The following ATXN1 variants were observed in gnomAD, a reference collection of about 807,000 sequenced individuals.
ATXN1 encodes ataxin-1.
Under a neutral mutation model 56.4 loss-of-function variants are expected in ATXN1, and 8 were observed. That is an observed-to-expected ratio of 0.14 (90% confidence interval 0.08 to 0.26). ATXN1 has a LOEUF of 0.26. Among genes scored for constraint, ATXN1 ranks in the 10% least tolerant of loss-of-function variants. The pLI is 1.00. For missense variants in ATXN1, 987 were observed against 1,106.5 expected, an observed-to-expected ratio of 0.89 and a Z score of 1.53; for synonymous variants, 514 against 494.6, an observed-to-expected ratio of 1.04 and a Z score of -0.52.
At chr6:16,594,431 T>C (rs946886287) in intron 3 of ATXN1, among the ~76,000 whole-genome samples, 4 of 152,038 alleles carry the variant, frequency 2.6e-5, no homozygotes, top group African/African-American at 9.7e-5. Flanking sequence ...AGAGATCTAT[T>C]TGTGCTGAAG....
chr6:16,546,818 C>T (rs900128466), intron 4 of ATXN1, among the ~76,000 whole-genome samples: 3 of 152,170 alleles, frequency 2.0e-5, no homozygotes, highest in Admixed American at 6.5e-5. Flanking sequence ...GGGAGGCATA[C>T]ATAGTTATTA....
chr6:16,696,403 A>G (rs1225598614), intron 2 of ATXN1, among the ~76,000 whole-genome samples: 1 of 152,226 alleles, frequency 6.6e-6, no homozygotes. Context: ...TAAGTCTCCA[A>G]GAAAAAAAGT....
rs755173014 is a variant in ATXN1, at chr6:16,328,215, G to T, written c.96C>A (p.Thr32=). Reference sequence around the variant, plus strand: ...CCACCCGGTGGTTGTCGCTGGGCAGGGTAGGGGCCTTCTCCTCGGAGGACC... The same window carrying T: ...CCACCCGGTGGTTGTCGCTGGGCAGTGTAGGGGCCTTCTCCTCGGAGGACC... ...TSRSSEEKAP[T]LPSDNHRVEG... Residue 32 remains threonine (T), a synonymous_variant, in exon 7 of 8, where the codon ACC becomes ACA. Transcript: ENST00000436367. The surrounding 1 kb of genome is among the most constrained non-coding windows in gnomAD (Gnocchi z 6.2). 1.9e-6 allele frequency: 3 copies of T among 1,591,960 alleles called. No individual in the cohort carries two copies. The highest frequency in any genetic ancestry group is 3.5e-5 in the Admixed American group (2 of 57,410).
chr6:16,307,987 C>G (rs1399939571), intron 7 of ATXN1, among the ~76,000 whole-genome samples: 1 of 152,162 alleles, frequency 6.6e-6, no homozygotes, highest in African/African-American at 2.4e-5. Context: ...AACCCCATCT[C>G]TACTAAAAAT....
intron 7 of ATXN1, among the ~76,000 whole-genome samples, chr6:16,320,664 AC>A (rs1207597704): frequency 6.6e-6 from 1 of 152,246 alleles, no homozygotes; most frequent in Non-Finnish European, 1.5e-5. Context: ...CACGTCACTA[AC>A]AGCCTCTTGC....
chr6:16,640,213 T>C (rs1276527784), intron 3 of ATXN1, among the ~76,000 whole-genome samples: 1 of 152,186 alleles, frequency 6.6e-6, no homozygotes, highest in Non-Finnish European at 1.5e-5. Flanking sequence ...TCTGTTATGG[T>C]GATCTGAGAT....
chr6:16,665,205 G>T (rs774360652), intron 2 of ATXN1, among the ~76,000 whole-genome samples: 70 of 152,088 alleles, frequency 4.6e-4, no homozygotes, highest in Non-Finnish European at 3.7e-4. Context: ...TTCTTAAAGG[G>T]GAGCAGCACC....
intron 4 of ATXN1, among the ~76,000 whole-genome samples, chr6:16,523,775 C>T (rs534952888): frequency 7.9e-5 from 12 of 152,102 alleles, no homozygotes; most frequent in Admixed American, 6.5e-4. Context: ...GAGATACTGA[C>T]GGGCCAAACA....
intron 3 of ATXN1, among the ~76,000 whole-genome samples, chr6:16,642,177 G>A (rs1210969115): frequency 2.6e-5 from 4 of 152,078 alleles, no homozygotes; most frequent in Non-Finnish European, 2.9e-5. Context: ...CACAAGGTCC[G>A]GAGATAGAGG....
intron 6 of ATXN1, among the ~76,000 whole-genome samples, chr6:16,362,574 G>A (rs532325100): frequency 1.2e-4 from 18 of 152,166 alleles, no homozygotes; most frequent in East Asian, 5.8e-4. Flanking sequence ...ACCTTACCAC[G>A]GCTCTTCCCA....
intron 2 of ATXN1, among the ~76,000 whole-genome samples, chr6:16,713,364 G>A (rs997561359): frequency 1.3e-5 from 2 of 152,182 alleles, no homozygotes; most frequent in Admixed American, 1.3e-4. Flanking sequence ...TTTTAAAAAG[G>A]AGAACAAAGC....
intron 3 of ATXN1, among the ~76,000 whole-genome samples, chr6:16,653,443 C>T (rs1051572559): frequency 5.9e-5 from 9 of 152,216 alleles, no homozygotes; most frequent in African/African-American, 2.2e-4. Flanking sequence ...ACCTGCGAGG[C>T]CTAACAGCTG....
rs1433692057 is a variant in ATXN1, at chr6:16,760,754, C to T, written c.-730+544G>A. ...CCGTGAGACCCCCTCTCTCTCACCG[C>T]CCTCTCCGGGGAGGAGGAATGGGAA... is the stretch of plus-strand genomic sequence containing the variant. On this transcript the variant is annotated intron_variant, in intron 1 of 7. Transcript: ENST00000436367. This position sits in a 1 kb window ranked among gnomAD's most constrained non-coding sequence, Gnocchi z 5.3. Among the ~76,000 whole-genome samples the T allele has an allele frequency of 1.3e-5, 2 of 151,388 alleles. No individual in the cohort carries two copies. The highest frequency in any genetic ancestry group is 2.4e-5 in the African/African-American group (1 of 41,352).
At position 16,748,847 on chromosome 6, in the gene ATXN1, C is replaced by A. The variant is rs540124979; in HGVS notation, c.-615+4386G>T. ...AGAGCCCATCCTAACTAACTCAGCA[C>A]CAAAAAAAAAAACCACAACTTAATC... is the stretch of plus-strand genomic sequence containing the variant. On this transcript the variant is annotated intron_variant, in intron 2 of 7. Transcript: ENST00000436367. 1.9e-4 allele frequency among the ~76,000 whole-genome samples: 28 copies of A among 151,140 alleles called. No homozygotes were observed. The South Asian group carries it at 5.6e-3, about 30-fold the overall frequency.
At chr6:16,330,069 T>TTTTCTTTC (rs10588280) in intron 6 of ATXN1, among the ~76,000 whole-genome samples, 12 of 151,426 alleles carry the variant, frequency 7.9e-5, no homozygotes, top group East Asian at 2.0e-4. Context: ...AATGATCTGA[T>TTTTCTTTC]TTTCTTTCTT....
At position 16,400,816 on chromosome 6, in the gene ATXN1, C is replaced by T. The variant is rs370863984; in HGVS notation, c.-160-72346G>A. ...TCGGGAATTACAAGCCAGAGAAAAG[C>T]TCAAAGAAGGTCATGGTCTACTTTT... is the stretch of plus-strand genomic sequence containing the variant. On this transcript the variant is annotated intron_variant, in intron 6 of 7. Transcript: ENST00000436367. Among the ~76,000 whole-genome samples the T allele has an allele frequency of 2.2e-4, 34 of 152,246 alleles. No homozygotes were observed. In the East Asian group the frequency reaches 4.2e-3, roughly 19 times the overall value.
In ATXN1 at chr6:16,652,067, A is replaced by C. The variant is rs531288539; in HGVS notation, c.-489+5709T>G. The C allele has an allele frequency of 2.0e-5, 3 of 152,368 alleles. No individual in the cohort carries two copies. The South Asian group carries it at 6.2e-4, about 32-fold the overall frequency. The allele number at this position is 152,368 out of a possible 1,614,324, so 9.4% of individuals were successfully genotyped here. A position where few individuals can be genotyped will look rare whatever the true frequency, so the allele number is the denominator to read the frequency against. ...CCTGAATGGGTGTGGTTTTACTCAC[A>C]GCTATACAAAACCACACAGCTTCTC... On this transcript the variant is annotated intron_variant, in intron 3 of 7. Coordinates refer to ENST00000436367, the MANE Select transcript of ATXN1 (RefSeq NM_001128164.2).
At chr6:16,517,091 C>T (rs183729785) in intron 5 of ATXN1, among the ~76,000 whole-genome samples, 6 of 152,368 alleles carry the variant, frequency 3.9e-5, no homozygotes, top group African/African-American at 1.4e-4. Flanking sequence ...GAATTAAGTG[C>T]AATGGCTACA....
intron 2 of ATXN1, among the ~76,000 whole-genome samples, chr6:16,683,504 A>C (rs555930529): frequency 6.6e-6 from 1 of 152,212 alleles, no homozygotes; most frequent in Non-Finnish European, 1.5e-5. Context: ...TTCATTAGAA[A>C]AATTTCTCAC....
Sources: gnomAD v4.1 joint callset for allele counts (sites outside exome capture counted in the v4.1 genomes callset) on GRCh38, gnomAD v4.1.1 for gene constraint, Gnocchi (gnomAD v3.1) non-coding constraint, MANE v1.5 for transcripts, NCBI Gene and HGNC (gene_info 2026-07-23, HGNC 2026-07-21) for gene names.